Variants in WDR25 observed in about 807,000 individuals in gnomAD.
The protein encoded by WDR25 is WD repeat-containing protein 25.
In WDR25, 35 loss-of-function variants were observed where a neutral mutation model predicts 47.7. The ratio of observed to expected loss-of-function variants is 0.73; its 90% CI spans 0.56 to 0.97. WDR25 has a LOEUF of 0.97. Ranked by LOEUF, WDR25 falls within the 50% of genes least tolerant of loss-of-function variation. WDR25 has a pLI of 0.00. For synonymous variants in WDR25, 248 were observed against 278.9 expected (o/e 0.89, Z 1.10); for missense variants, 634 against 704.7 (o/e 0.90, Z 1.14).
At chr14:100,526,741 C>T (rs1306454108) in intron 5 of WDR25, among the ~76,000 whole-genome samples, 1 of 141,300 alleles carries the variant, frequency 7.1e-6, no homozygotes, top group Admixed American at 7.0e-5. Flanking sequence ...TCTATAGCCA[C>T]CACAACCACT....
chr14:100,474,383 C>T (rs1394700983), intron 3 of WDR25, among the ~76,000 whole-genome samples: 9 of 152,200 alleles, frequency 5.9e-5, no homozygotes, highest in East Asian at 1.9e-4. Flanking sequence ...ACACAGCTCA[C>T]GCCAGCCCTC....
rs78444407 is a variant in WDR25 at position 100,486,798 on chromosome 14, G to A, written c.1101+2674G>A. Among the ~76,000 whole-genome samples, 14 of 152,334 alleles carry A rather than the reference G, an allele frequency of 9.2e-5. 1 individual carries two copies. In the East Asian group the frequency reaches 2.7e-3, roughly 29 times the overall value. On this transcript the variant is annotated intron_variant, in intron 4 of 6. Coordinates refer to ENST00000402312, the MANE Select transcript of WDR25 (RefSeq NM_001161476.3). ...CGGTGGGAATCGCAGGTGTAAGTAG[G>A]AGGGACACAGACCTTAGCTTAAACC...
intron 2 of WDR25, among the ~76,000 whole-genome samples, chr14:100,408,945 G>T (rs1053371070): frequency 1.3e-5 from 2 of 152,184 alleles, no homozygotes; most frequent in Admixed American, 6.5e-5. Flanking sequence ...GTGTTATTAG[G>T]AATGTTTTGC....
chr14:100,515,880 C>T (rs1326569051), intron 4 of WDR25, among the ~76,000 whole-genome samples: 1 of 150,766 alleles, frequency 6.6e-6, no homozygotes, highest in Non-Finnish European at 1.5e-5. Flanking sequence ...TCAGGTGATC[C>T]ACCTGCCTCA....
intron 2 of WDR25, among the ~76,000 whole-genome samples, chr14:100,385,877 G>C (rs1269960253): frequency 6.6e-6 from 1 of 152,038 alleles, no homozygotes; most frequent in African/African-American, 2.4e-5. Context: ...CATGTACGTG[G>C]CCTGCGTTAA....
chr14:100,411,544 T>G (rs1020834018), intron 2 of WDR25, among the ~76,000 whole-genome samples: 5 of 151,836 alleles, frequency 3.3e-5, no homozygotes, highest in African/African-American at 1.2e-4. Context: ...TTGCTTTTTT[T>G]TTTTTTTCTC....
rs144871524 is a variant in WDR25, at chr14:100,512,285, G to A, written c.1102-13585G>A. ...AAATAAAATCTACTTAGTAAATATA[G>A]GGCTATTCTGATTTTCTATTAATCT... On this transcript the variant is annotated intron_variant, in intron 4 of 6. Coordinates refer to ENST00000402312, the MANE Select transcript of WDR25 (RefSeq NM_001161476.3). 1.8e-3 allele frequency among the ~76,000 whole-genome samples: 276 copies of A among 152,192 alleles called. 1 individual carries two copies. The highest frequency in any genetic ancestry group is 6.5e-3 in the African/African-American group (270 of 41,552).
intron 2 of WDR25, among the ~76,000 whole-genome samples, chr14:100,439,715 C>A (rs1257702865): frequency 1.3e-5 from 2 of 152,202 alleles, no homozygotes; most frequent in South Asian, 2.1e-4. Flanking sequence ...GCATTGTGCT[C>A]AGCTTAACTC....
At chr14:100,517,314 T>C (rs1595166972) in intron 4 of WDR25, among the ~76,000 whole-genome samples, 1 of 151,972 alleles carries the variant, frequency 6.6e-6, no homozygotes, top group East Asian at 1.9e-4. Flanking sequence ...CTTGACCTCA[T>C]GATCCACCCG....
intron 4 of WDR25, among the ~76,000 whole-genome samples, chr14:100,492,848 G>A (rs545590776): frequency 6.6e-6 from 1 of 152,210 alleles, no homozygotes; most frequent in South Asian, 2.1e-4. Context: ...GTCTCATTCT[G>A]TCACCCAGGC....
intron 2 of WDR25, among the ~76,000 whole-genome samples, chr14:100,420,486 G>GT (rs956979268): frequency 4.6e-5 from 7 of 152,054 alleles, no homozygotes; most frequent in Non-Finnish European, 8.8e-5. Context: ...ATTCCAGCAG[G>GT]TTTTTTATTG....
chr14:100,497,507 AG>A, intron 4 of WDR25, among the ~76,000 whole-genome samples: 1 of 152,348 alleles, frequency 6.6e-6, no homozygotes, highest in Admixed American at 6.5e-5. Context: ...AAACAAAAAA[AG>A]AAATCAAGTT....
rs1212196460 is a variant in WDR25, at chr14:100,378,945, G to C, written c.-15-1965G>C. Among the ~76,000 whole-genome samples the C allele has an allele frequency of 2.8e-5, 3 of 105,476 alleles. No homozygotes were observed. The East Asian group carries it at 9.2e-4, about 32-fold the overall frequency. 69.2% of individuals were successfully genotyped at this position (105,476 alleles called of 152,430 possible). A position where few individuals can be genotyped will look rare whatever the true frequency, so the allele number is the denominator to read the frequency against. On this transcript the variant is annotated intron_variant, in intron 1 of 6. Transcript: ENST00000402312. ...TGCACTCCAGCCTGGGCGACAGAGCGAGACTCCGTCTCAAAAAAAAAAAAA... is the reference window on the plus strand; with the variant it reads ...TGCACTCCAGCCTGGGCGACAGAGCCAGACTCCGTCTCAAAAAAAAAAAAA...
Position 100,522,773 on chromosome 14 carries a change from A to G in WDR25, c.1102-3097A>G, listed in dbSNP as rs145745632. ...CAGCCAGTAATAGGCTGCCACGCTC[A>G]GGTCCCCAGGGTGTCTGCCTAAGTG... On this transcript the variant is annotated intron_variant, in intron 4 of 6. Coordinates refer to ENST00000402312, the MANE Select transcript of WDR25 (RefSeq NM_001161476.3). 6.8e-3 allele frequency among the ~76,000 whole-genome samples: 1,033 copies of G among 152,362 alleles called. 2 individuals are homozygous for G. The highest frequency in any genetic ancestry group is 0.017 in the Middle Eastern group (5 of 294).
At chr14:100,396,102 G>A (rs1897253875) in intron 2 of WDR25, among the ~76,000 whole-genome samples, 2 of 147,828 alleles carry the variant, frequency 1.4e-5, no homozygotes, top group East Asian at 2.1e-4. Context: ...TCAGCCTCCC[G>A]AGGAGCTGGG....
intron 2 of WDR25, among the ~76,000 whole-genome samples, chr14:100,445,703 C>T (rs1898810059): frequency 6.6e-6 from 1 of 152,244 alleles, no homozygotes; most frequent in Admixed American, 6.5e-5. Context: ...TGTTCTGAAA[C>T]CCCCAGGTTG....
Position 100,506,079 on chromosome 14 carries a change from C to G in WDR25, c.1102-19791C>G, listed in dbSNP as rs1901100814. Among the ~76,000 whole-genome samples, 1 of 152,146 alleles carries G rather than the reference C, an allele frequency of 6.6e-6. No homozygotes were observed. The highest frequency in any genetic ancestry group is 6.5e-5 in the Admixed American group (1 of 15,286). On this transcript the variant is annotated intron_variant, in intron 4 of 6. Coordinates refer to ENST00000402312, the MANE Select transcript of WDR25 (RefSeq NM_001161476.3). This position sits in a 1 kb window ranked among gnomAD's most constrained non-coding sequence, Gnocchi z 4.8. ...CCCTTGCCCGCTCCCTCCCTCCACC[C>G]TCTAGACCACAGTGTCTATTGTGCC...
intron 2 of WDR25, among the ~76,000 whole-genome samples, chr14:100,399,992 G>A (rs537115852): frequency 1.3e-5 from 2 of 152,342 alleles, no homozygotes; most frequent in Non-Finnish European, 1.5e-5. Context: ...TGCATTTGTT[G>A]AATTACTGGG....
chr14:100,396,759 G>C (rs1034836322), intron 2 of WDR25, among the ~76,000 whole-genome samples: 2 of 152,230 alleles, frequency 1.3e-5, no homozygotes, highest in African/African-American at 4.8e-5. Context: ...GTTCTTTCTA[G>C]GGTGGGCTGT....
Sources: allele counts gnomAD v4.1 joint callset (sites outside exome capture counted in the v4.1 genomes callset), GRCh38; gene constraint gnomAD v4.1.1; non-coding constraint Gnocchi (gnomAD v3.1); transcripts MANE v1.5; gene names NCBI Gene and HGNC (gene_info 2026-07-23, HGNC 2026-07-21).